CHD2: variants seen among roughly 807,000 people sequenced by gnomAD.
The protein encoded by CHD2 is ATP-dependent chromatin remodeler CHD2.
A neutral mutation model predicts 243.9 loss-of-function variants in CHD2; 28 were observed. The observed-to-expected ratio is 0.11, with a 90% CI of 0.09 to 0.16. The LOEUF (loss-of-function observed/expected upper bound fraction) is 0.16, where lower values mean the gene tolerates loss of function less well. CHD2 is among the 10% of genes least tolerant of loss of function. The pLI, the probability that CHD2 is intolerant of heterozygous loss-of-function variation, is 1.00. For synonymous variants in CHD2, 775 were observed against 779.0 expected, an observed-to-expected ratio of 0.99 and a Z score of 0.09; for missense variants, 1,386 against 2,209.8, an observed-to-expected ratio of 0.63 and a Z score of 7.47.
At chr15:92,927,203 G>T (rs886665835) in intron 3 of CHD2, 41 bp from the exon 4 acceptor site, 3 of 1,376,192 alleles carry the variant, frequency 2.2e-6, no homozygotes, top group African/African-American at 2.9e-5. Flanking sequence ...AATAATGGGG[G>T]TCAAGAAAAA....
At chr15:92,987,751 C>T (rs141095574) in intron 26 of CHD2, among the ~76,000 whole-genome samples, 1 of 150,484 alleles carries the variant, frequency 6.6e-6, no homozygotes, top group African/African-American at 2.4e-5. Flanking sequence ...CTGCATTTTG[C>T]TATTTGTCTT....
Position 92,997,446 on chromosome 15 carries a change from G to T in CHD2, c.3885+43G>T, listed in dbSNP as rs1218910371. On this transcript the variant is annotated intron_variant, in intron 30 of 38. Transcript: ENST00000394196. The surrounding 1 kb of genome is among the most constrained non-coding windows in gnomAD (Gnocchi z 4.1). ...GCTAGAGATTTCTAGAAGATTTGTT[G>T]TGTAATATTTTTATATCGATTACTT... The T allele has an allele frequency of 6.7e-6, 10 of 1,491,568 alleles. No homozygotes were observed. Among genetic ancestry groups the T allele is most frequent in the Admixed American group, 2.4e-5 (1 of 41,200 alleles). The allele number at this position is 1,491,568 out of a possible 1,614,324, so 92.4% of individuals were successfully genotyped here. A position where few individuals can be genotyped will look rare whatever the true frequency, so the allele number is the denominator to read the frequency against.
rs1567151092 is a variant in CHD2 at position 92,981,144 on chromosome 15, G to A, written c.2974-221G>A. On this transcript the variant is annotated intron_variant, in intron 23 of 38. Transcript: ENST00000394196. ...TTGTTTTTTTCTCCCATTTCTGTTCGTTTTAATTTTTGAAGTTTCACCTTG... is the reference window on the plus strand; with the variant it reads ...TTGTTTTTTTCTCCCATTTCTGTTCATTTTAATTTTTGAAGTTTCACCTTG... Among the ~76,000 whole-genome samples, 2 of 152,044 alleles carry A rather than the reference G, an allele frequency of 1.3e-5. No individual in the cohort carries two copies. The highest frequency in any genetic ancestry group is 2.1e-4 in the South Asian group (1 of 4,822).
intron 16 of CHD2, among the ~76,000 whole-genome samples, chr15:92,966,921 A>AAG (rs1048076873): frequency 2.6e-5 from 4 of 151,684 alleles, no homozygotes; most frequent in Non-Finnish European, 5.9e-5. Flanking sequence ...AAAAAAAAAA[A>AAG]AAAGGAATGA....
chr15:92,924,133 T>C, intron 2 of CHD2, 188 bp from the exon 3 acceptor site: 2 of 509,542 alleles, frequency 3.9e-6, no homozygotes, highest in Admixed American at 3.2e-5. Context: ...AGGGTAGCTA[T>C]TGGGGATTTT....
chr15:92,994,896 C>G (rs975003340), intron 28 of CHD2, among the ~76,000 whole-genome samples: 6 of 152,162 alleles, frequency 3.9e-5, no homozygotes, highest in Non-Finnish European at 5.9e-5. Context: ...TTTCCTCACA[C>G]CTGTATTTCC....
intron 16 of CHD2, among the ~76,000 whole-genome samples, chr15:92,957,204 C>G (rs2053627178): frequency 6.6e-6 from 1 of 152,162 alleles, no homozygotes; most frequent in Non-Finnish European, 1.5e-5. Context: ...TCAGTCTGGC[C>G]CCTTGACAAT....
At position 92,981,431 on chromosome 15, in the gene CHD2, A is replaced by G; in HGVS notation, c.3040A>G (p.Thr1014Ala). The G allele has an allele frequency of 1.9e-6, 3 of 1,613,650 alleles. No homozygotes were observed. Among genetic ancestry groups the G allele is most frequent in the Non-Finnish European group, 2.5e-6 (3 of 1,179,576 alleles). Residue 1014 changes from threonine (T) to alanine (A), a missense_variant, in exon 24 of 39, where the codon ACA becomes GCA. By Grantham distance (58) the Thr-to-Ala change is moderately conservative. This residue lies in a region of CHD2 where 99 missense variants were observed against 206.4 expected (regional missense o/e 0.48). Transcript: ENST00000394196. ...AGAGAATGAAGTGTCAACAAGTGCAACAGATGAACTTCTATCACAGTTTAA... is the reference window on the plus strand; with the variant it reads ...AGAGAATGAAGTGTCAACAAGTGCAGCAGATGAACTTCTATCACAGTTTAA... ...TRENEVSTSA[T>A]DELLSQFKVA...
At chr15:92,946,679 G>C (rs531148676) in intron 12 of CHD2, 1 of 152,410 alleles carries the variant, frequency 6.6e-6, no homozygotes, top group Non-Finnish European at 1.5e-5. Context: ...GCAGAGATGG[G>C]GTTTCACCAT....
In CHD2 at chr15:92,944,442, A is replaced by C. The variant is rs373927051; in HGVS notation, c.1080A>C (p.Val360=). 3 of 1,610,036 alleles carry C rather than the reference A, an allele frequency of 1.9e-6. No homozygotes were observed. In the African/African-American group the frequency reaches 4.0e-5, roughly 22 times the overall value. Residue 360 remains valine, a synonymous_variant, in exon 10 of 39, where the codon GTA becomes GTC. Coordinates refer to ENST00000394196, the MANE Select transcript of CHD2 (RefSeq NM_001271.4). ...TAGGGAAAGTTTCTCCTGAAGATGT[A>C]GAATATTTCAATTGCCAACAGGAGC... The part of the protein sequence containing the change: ...QWLGKVSPED[V]EYFNCQQELA...
chr15:92,948,715 T>C (rs776500899), intron 12 of CHD2, among the ~76,000 whole-genome samples: 4 of 152,184 alleles, frequency 2.6e-5, no homozygotes, highest in African/African-American at 4.8e-5. Context: ...GGCGCCTGTA[T>C]GTAGTCCCAG....
chr15:93,024,654 A>C lies in CHD2; in HGVS notation c.5436A>C (p.Ser1812=), dbSNP rs777296633. The part of the protein sequence containing the change: ...PLDHRSPLER[S]LEQKNNPDYN... ...ATCATAGGTCTCCTTTGGAGAGATCACTAGAACAGAAAAACAACCCAGATT... is the reference window on the plus strand; with the variant it reads ...ATCATAGGTCTCCTTTGGAGAGATCCCTAGAACAGAAAAACAACCCAGATT... Residue 1812 remains serine, a synonymous_variant, in exon 39 of 39, where the codon TCA becomes TCC. Transcript: ENST00000394196. 1 of 1,613,638 alleles carries C rather than the reference A, an allele frequency of 6.2e-7. No individual in the cohort carries two copies. The highest frequency in any genetic ancestry group is 1.1e-5 in the South Asian group (1 of 90,936).
chr15:92,919,488 G>C (rs1170669135), intron 2 of CHD2, among the ~76,000 whole-genome samples: 2 of 152,032 alleles, frequency 1.3e-5, no homozygotes, highest in Non-Finnish European at 2.9e-5. Context: ...TGCCTCCTGG[G>C]TTCAAGTGAT....
rs760949274 is a variant in CHD2, at chr15:92,946,111, G to A, written c.1272G>A (p.Glu424=). Residue 424 remains glutamate (E), a synonymous_variant, in exon 12 of 39, where the codon GAG becomes GAA. Coordinates refer to ENST00000394196, the MANE Select transcript of CHD2 (RefSeq NM_001271.4). Reference sequence around the variant, plus strand: ...AATGGATGGGACTCCCCTATTCAGAGTGTAGCTGGGAAGATGAAGCCCTCA... The same window carrying A: ...AATGGATGGGACTCCCCTATTCAGAATGTAGCTGGGAAGATGAAGCCCTCA... The part of the protein sequence containing the change: ...LCKWMGLPYS[E]CSWEDEALIG... 2.5e-6 allele frequency: 4 copies of A among 1,613,108 alleles called. No homozygotes were observed. The highest frequency in any genetic ancestry group is 1.3e-5 in the African/African-American group (1 of 74,912).
intron 13 of CHD2, among the ~76,000 whole-genome samples, chr15:92,951,691 C>T (rs1596403843): frequency 6.6e-6 from 1 of 152,106 alleles, no homozygotes; most frequent in East Asian, 1.9e-4. Context: ...ACTGTGCTTC[C>T]TCCTGAATAG....
chr15:92,900,454 C>A lies in CHD2; in HGVS notation c.-442C>A, dbSNP rs759597706. Reference sequence around the variant, plus strand: ...CTCAGGGGGCCCCCGTAGCCCCCTGCCTTTCCTAGGGACTTACTGGGGTCG... The same window carrying A: ...CTCAGGGGGCCCCCGTAGCCCCCTGACTTTCCTAGGGACTTACTGGGGTCG... On this transcript the variant is annotated 5_prime_UTR_variant, in exon 1 of 39. Coordinates refer to ENST00000394196, the MANE Select transcript of CHD2 (RefSeq NM_001271.4). 18 of 397,334 alleles carry A rather than the reference C, an allele frequency of 4.5e-5. No individual in the cohort carries two copies. Among genetic ancestry groups the A allele is most frequent in the Non-Finnish European group, 8.0e-5 (18 of 225,298 alleles). The allele number at this position is 397,334 out of a possible 1,614,324, so 24.6% of individuals were successfully genotyped here. A position where few individuals can be genotyped will look rare whatever the true frequency, so the allele number is the denominator to read the frequency against.
intron 31 of CHD2, among the ~76,000 whole-genome samples, chr15:92,999,076 T>C (rs2054220363): frequency 2.3e-5 from 2 of 86,346 alleles, no homozygotes; most frequent in Admixed American, 2.1e-4. Context: ...AGAGCGAGAC[T>C]CCGTCTCAAA....
At chr15:92,913,767 G>A (rs1254288136) in intron 2 of CHD2, among the ~76,000 whole-genome samples, 1 of 152,174 alleles carries the variant, frequency 6.6e-6, no homozygotes, top group Non-Finnish European at 1.5e-5. Flanking sequence ...TGGGAGGATT[G>A]CTTGAGTCCA....
intron 37 of CHD2, among the ~76,000 whole-genome samples, chr15:93,015,522 A>G (rs1158356064): frequency 6.6e-6 from 1 of 150,840 alleles, no homozygotes; most frequent in African/African-American, 2.4e-5. Flanking sequence ...TAAATTGAGA[A>G]CAAAACAATA....
Sources: allele counts gnomAD v4.1 joint callset (sites outside exome capture counted in the v4.1 genomes callset), GRCh38; gene constraint gnomAD v4.1.1; regional missense constraint gnomAD v4.1.1; non-coding constraint Gnocchi (gnomAD v3.1); transcripts MANE v1.5; gene names NCBI Gene and HGNC (gene_info 2026-07-23, HGNC 2026-07-21).